Variants in PLA2G4A observed in about 807,000 individuals in gnomAD.
The protein encoded by PLA2G4A is cytosolic phospholipase A2.
A neutral mutation model predicts 81.9 loss-of-function variants in PLA2G4A; 40 were observed. That is an observed-to-expected ratio of 0.49 (90% CI 0.38 to 0.64). PLA2G4A has a LOEUF of 0.64. Ranked by LOEUF, PLA2G4A falls within the 30% of genes least tolerant of loss-of-function variation. The pLI is 0.00. For missense variants in PLA2G4A, 715 were observed against 905.1 expected (o/e 0.79, Z 2.69); for synonymous variants, 302 against 296.9 (o/e 1.02, Z -0.18).
In PLA2G4A at chr1:186,893,108, G is replaced by A. The variant is rs755561592; in HGVS notation, c.213G>A (p.Trp71Ter). The A allele has an allele frequency of 2.5e-6, 4 of 1,612,060 alleles. No individual in the cohort carries two copies. The highest frequency in any genetic ancestry group is 2.2e-5 in the East Asian group (1 of 44,840). ...TCAATAATGACATAAACCCTGTGTG[G>A]AATGAGACCTTTGAATTTATTTTGG... ...RHFNNDINPVWNETFEFILDP... is the reference protein window; with the variant it reads ...RHFNNDINPV Residue 71 changes from tryptophan to a stop codon, truncating the protein, a stop_gained, in exon 4 of 18, where the codon TGG (tryptophan) becomes TGA (stop). Coordinates refer to ENST00000367466, the MANE Select transcript of PLA2G4A (RefSeq NM_024420.3). LOFTEE classifies it high-confidence loss of function.
chr1:186,852,068 G>GTA (rs774069562), intron 1 of PLA2G4A, among the ~76,000 whole-genome samples: 9 of 151,798 alleles, frequency 5.9e-5, no homozygotes, highest in East Asian at 1.9e-4. Flanking sequence ...CCTCTTACCT[G>GTA]TATATATATA....
At chr1:186,929,606 T>C (rs546098666) in intron 7 of PLA2G4A, among the ~76,000 whole-genome samples, 1 of 152,180 alleles carries the variant, frequency 6.6e-6, no homozygotes, top group Non-Finnish European at 1.5e-5. Context: ...CAGCATTAGT[T>C]GGGGAAAAGC....
chr1:186,926,747 CG>C (rs1655564051), intron 7 of PLA2G4A, among the ~76,000 whole-genome samples: 1 of 152,112 alleles, frequency 6.6e-6, no homozygotes, highest in Non-Finnish European at 1.5e-5. Flanking sequence ...TACCTTTGTG[CG>C]TCACTTGTAA....
intron 8 of PLA2G4A, among the ~76,000 whole-genome samples, chr1:186,935,372 G>A (rs915873810): frequency 1.4e-4 from 21 of 149,740 alleles, no homozygotes; most frequent in African/African-American, 4.7e-4. Flanking sequence ...CTCGGTCATT[G>A]TTTGAAGGGA....
At chr1:186,840,501 C>T (rs1010464493) in intron 1 of PLA2G4A, among the ~76,000 whole-genome samples, 17 of 152,152 alleles carry the variant, frequency 1.1e-4, no homozygotes, top group Non-Finnish European at 2.2e-4. Flanking sequence ...CCGAACTTTA[C>T]AGTAACACCT....
chr1:186,870,704 T>C, intron 3 of PLA2G4A, 188 bp downstream of exon 3: 1 of 1,533,638 alleles, frequency 6.5e-7, no homozygotes, highest in Non-Finnish European at 8.9e-7. Context: ...ACCTGGGCCT[T>C]AAATTAGCCA....
At chr1:186,976,607 T>G (rs932694762) in intron 15 of PLA2G4A, among the ~76,000 whole-genome samples, 1 of 152,202 alleles carries the variant, frequency 6.6e-6, no homozygotes, top group South Asian at 2.1e-4. Flanking sequence ...GAGCTTGCAT[T>G]TGGACTCAGG....
chr1:186,880,653 G>T (rs1022296453), intron 3 of PLA2G4A, among the ~76,000 whole-genome samples: 1 of 151,968 alleles, frequency 6.6e-6, no homozygotes, highest in African/African-American at 2.4e-5. Context: ...CTTGCCTACA[G>T]TAAGTGGAAT....
chr1:186,934,410 G>A (rs537901385), intron 8 of PLA2G4A, among the ~76,000 whole-genome samples: 56 of 132,910 alleles, frequency 4.2e-4, no homozygotes, highest in African/African-American at 1.5e-3. Context: ...AACAAGTCCT[G>A]TAAAATGTAA....
intron 3 of PLA2G4A, among the ~76,000 whole-genome samples, chr1:186,876,938 A>G (rs1468497484): frequency 6.6e-6 from 1 of 152,102 alleles, no homozygotes; most frequent in Non-Finnish European, 1.5e-5. Flanking sequence ...TCCTCTTCAG[A>G]GGTCCCACCT....
intron 1 of PLA2G4A, among the ~76,000 whole-genome samples, chr1:186,830,937 GCTTGCTTGCTTGCTTGCTTGCTTTCTTT>G: frequency 2.2e-5 from 1 of 45,636 alleles, no homozygotes; most frequent in Non-Finnish European, 4.3e-5. Context: ...AGATTGTATA[GCTTGCTTGCTTGCTTGCTTGCTTTCTTT>G]CTTTCTTTCT....
At chr1:186,853,972 T>A (rs1364831216) in intron 1 of PLA2G4A, among the ~76,000 whole-genome samples, 1 of 151,962 alleles carries the variant, frequency 6.6e-6, no homozygotes, top group African/African-American at 2.4e-5. Flanking sequence ...AAAAATAATT[T>A]TAAGTTTCCG....
intron 7 of PLA2G4A, among the ~76,000 whole-genome samples, chr1:186,922,692 C>T (rs767558711): frequency 6.6e-6 from 1 of 152,222 alleles, no homozygotes; most frequent in Non-Finnish European, 1.5e-5. Flanking sequence ...GGACAAGCCT[C>T]AGACAAAACC....
intron 3 of PLA2G4A, among the ~76,000 whole-genome samples, chr1:186,890,738 C>G (rs1471557448): frequency 2.6e-5 from 4 of 151,788 alleles, no homozygotes; most frequent in African/African-American, 9.7e-5. Context: ...CCTGTAATCC[C>G]AGCTACTCTG....
intron 6 of PLA2G4A, among the ~76,000 whole-genome samples, chr1:186,907,267 T>G (rs1021943662): frequency 6.6e-6 from 1 of 152,218 alleles, no homozygotes; most frequent in Non-Finnish European, 1.5e-5. Context: ...GAATAAGTGC[T>G]TTATGAAAGA....
chr1:186,834,098 A>G (rs913365801), intron 1 of PLA2G4A, among the ~76,000 whole-genome samples: 1 of 152,186 alleles, frequency 6.6e-6, no homozygotes, highest in African/African-American at 2.4e-5. Flanking sequence ...AATGTCATTA[A>G]TATGTATTCT....
At chr1:186,907,073 A>G in intron 6 of PLA2G4A, 71 bp downstream of exon 6, 1 of 808,666 alleles carries the variant, frequency 1.2e-6, no homozygotes, top group Non-Finnish European at 2.1e-6. Context: ...TTGTTAAAGA[A>G]TTTTTTTATA....
chr1:186,888,922 C>T (rs2102100716), intron 3 of PLA2G4A, among the ~76,000 whole-genome samples: 1 of 152,240 alleles, frequency 6.6e-6, no homozygotes, highest in Non-Finnish European at 1.5e-5. Flanking sequence ...TTTTGTAACA[C>T]ATAATTTGAA....
chr1:186,897,384 C>T (rs535937483), intron 5 of PLA2G4A, among the ~76,000 whole-genome samples: 1 of 152,052 alleles, frequency 6.6e-6, no homozygotes, highest in Non-Finnish European at 1.5e-5. Context: ...TCCTTTCTTT[C>T]TGAGTCTTAT....
Sources: gnomAD v4.1 joint callset for allele counts (sites outside exome capture counted in the v4.1 genomes callset) on GRCh38, gnomAD v4.1.1 for gene constraint, MANE v1.5 for transcripts, NCBI Gene and HGNC (gene_info 2026-07-23, HGNC 2026-07-21) for gene names.